TBC1D8: variants seen among roughly 807,000 people sequenced by gnomAD.
The protein encoded by TBC1D8 is TBC1 domain family member 8.
TBC1D8 carries 65 observed loss-of-function variants against 118.8 expected under a neutral mutation model. That is an observed-to-expected ratio of 0.55 (90% confidence interval 0.45 to 0.67). The LOEUF is 0.67. Among genes scored for constraint, TBC1D8 ranks in the 30% least tolerant of loss-of-function variants. The probability of loss-of-function intolerance (pLI) is 0.00; values close to 1 mark genes in which losing one functional copy is unlikely to be tolerated. For synonymous variants in TBC1D8, 566 were observed against 595.8 expected (o/e 0.95, Z 0.73); for missense variants, 1,376 against 1,471.2 (o/e 0.94, Z 1.06).
At chr2:101,031,987 TA>T (rs973073361) in intron 11 of TBC1D8, among the ~76,000 whole-genome samples, 1 of 152,184 alleles carries the variant, frequency 6.6e-6, no homozygotes, top group African/African-American at 2.4e-5. Flanking sequence ...TCCCTTCTTG[TA>T]AGTTCAGCTA....
intron 1 of TBC1D8, among the ~76,000 whole-genome samples, chr2:101,117,578 T>A (rs200087332): frequency 0.15 from 21,448 of 146,404 alleles, 1,644 homozygotes; most frequent in Middle Eastern, 0.26. Context: ...CTTTTTTTTT[T>A]TTTTTTTTTT....
chr2:101,013,433 T>C (rs1470619439), intron 17 of TBC1D8, among the ~76,000 whole-genome samples: 1 of 152,236 alleles, frequency 6.6e-6, no homozygotes, highest in African/African-American at 2.4e-5. Flanking sequence ...TAGCCTGTAA[T>C]TCAAGCGTCT....
At chr2:101,054,670 TTC>T (rs202029859) in intron 3 of TBC1D8, among the ~76,000 whole-genome samples, 987 of 30,478 alleles carry the variant, frequency 0.032, 51 homozygotes, top group Non-Finnish European at 0.041. Flanking sequence ...TTCTTTTCTT[TTC>T]TTTTTTTTTT....
intron 1 of TBC1D8, among the ~76,000 whole-genome samples, chr2:101,099,653 C>T (rs941806346): frequency 6.6e-6 from 1 of 152,164 alleles, no homozygotes; most frequent in Non-Finnish European, 1.5e-5. Flanking sequence ...CAGCAAAAAA[C>T]ATATCCACCA....
At chr2:101,130,091 C>T (rs1222680471) in intron 1 of TBC1D8, among the ~76,000 whole-genome samples, 2 of 152,114 alleles carry the variant, frequency 1.3e-5, no homozygotes, top group African/African-American at 4.8e-5. Flanking sequence ...CTCAGAGCCA[C>T]AATGACCAGG....
chr2:101,070,408 CA>C (rs1372391775), intron 2 of TBC1D8, among the ~76,000 whole-genome samples: 47 of 112,572 alleles, frequency 4.2e-4, no homozygotes, highest in Middle Eastern at 4.8e-3. Flanking sequence ...TGTCTTAAAA[CA>C]AATCTGATTT....
chr2:101,061,057 G>A (rs1434452629), intron 2 of TBC1D8, among the ~76,000 whole-genome samples: 1 of 151,740 alleles, frequency 6.6e-6, no homozygotes, highest in African/African-American at 2.4e-5. Flanking sequence ...TCACGGTGGT[G>A]GGCCCCCCTA....
chr2:101,074,486 G>A (rs978270802), intron 2 of TBC1D8, among the ~76,000 whole-genome samples: 12 of 152,150 alleles, frequency 7.9e-5, no homozygotes, highest in African/African-American at 2.9e-4. Flanking sequence ...TCAGTTCTGG[G>A]TTACCATAAA....
At chr2:101,054,448 C>T (rs111516245) in intron 3 of TBC1D8, 112 bp from the exon 4 acceptor site, 67 of 1,084,504 alleles carry the variant, frequency 6.2e-5, no homozygotes, top group African/African-American at 2.4e-4. Context: ...GAGAAGTGTG[C>T]GCTGCTTCAA....
chr2:101,077,868 T>C (rs1674950456), intron 2 of TBC1D8, among the ~76,000 whole-genome samples: 1 of 152,170 alleles, frequency 6.6e-6, no homozygotes, highest in Non-Finnish European at 1.5e-5. Flanking sequence ...ATTACCAGCC[T>C]TTATTCCTGG....
chr2:101,010,075 C>G (rs987357906), intron 19 of TBC1D8, among the ~76,000 whole-genome samples: 12 of 152,084 alleles, frequency 7.9e-5, no homozygotes, highest in African/African-American at 2.9e-4. Flanking sequence ...ATCCACCCGC[C>G]TCGGCCTCCC....
chr2:101,149,375 C>T (rs1197348087), intron 1 of TBC1D8, among the ~76,000 whole-genome samples: 1 of 152,142 alleles, frequency 6.6e-6, no homozygotes, highest in African/African-American at 2.4e-5. Flanking sequence ...CATCCTATGG[C>T]CAGCTCTGCC....
chr2:101,007,886 A>G lies in TBC1D8; in HGVS notation c.3403T>C (p.Tyr1135His). Residue 1135 changes from tyrosine to histidine, a missense_variant, in exon 20 of 20, where the codon TAC becomes CAC. Physicochemically the swap from Tyr to His is moderately conservative, Grantham distance 83. Coordinates refer to ENST00000409318, the MANE Select transcript of TBC1D8 (RefSeq NM_001330348.2). ...CTCATTTCAAAAGTTTTGAGATTGT[A>G]CTGATTGATCTTGGCATTTTCAAGT... ...SKLENAKINQYNLKTFEMSHQ... is the reference protein window; with the variant it reads ...SKLENAKINQHNLKTFEMSHQ... 6.2e-7 allele frequency: 1 copy of G among 1,613,984 alleles called. No homozygotes were observed. The highest frequency in any genetic ancestry group is 8.5e-7 in the Non-Finnish European group (1 of 1,179,898).
At chr2:101,027,925 A>T in intron 14 of TBC1D8, 123 bp downstream of exon 14, 2 of 841,008 alleles carry the variant, frequency 2.4e-6, no homozygotes, top group Non-Finnish European at 3.8e-6. Flanking sequence ...TTAAGTTGTT[A>T]ATGTAATCCA....
chr2:101,062,979 C>G (rs2105427755), intron 2 of TBC1D8, among the ~76,000 whole-genome samples: 1 of 152,268 alleles, frequency 6.6e-6, no homozygotes, highest in East Asian at 1.9e-4. Context: ...ACATCATCCT[C>G]AGGCCCAGTT....
intron 1 of TBC1D8, among the ~76,000 whole-genome samples, chr2:101,096,218 T>C (rs1676409327): frequency 6.6e-6 from 1 of 151,952 alleles, no homozygotes; most frequent in African/African-American, 2.4e-5. Flanking sequence ...GCCACAGTGC[T>C]CAGCCAAGGA....
At chr2:101,046,226 G>C (rs1383636977) in intron 5 of TBC1D8, among the ~76,000 whole-genome samples, 1 of 152,230 alleles carries the variant, frequency 6.6e-6, no homozygotes, top group Non-Finnish European at 1.5e-5. Context: ...ACACACTGCA[G>C]CCCACGGCCA....
At chr2:101,013,742 G>A (rs1679408820) in intron 17 of TBC1D8, among the ~76,000 whole-genome samples, 2 of 152,208 alleles carry the variant, frequency 1.3e-5, no homozygotes, top group Admixed American at 6.5e-5. Context: ...GAGGCGACAA[G>A]CCAGTTCCAC....
At chr2:101,096,492 T>C (rs1026227437) in intron 1 of TBC1D8, among the ~76,000 whole-genome samples, 1 of 141,462 alleles carries the variant, frequency 7.1e-6, no homozygotes, top group African/African-American at 2.6e-5. Context: ...AAAGTAAGCA[T>C]TGGAATGAAA....
Sources: allele counts gnomAD v4.1 joint callset (sites outside exome capture counted in the v4.1 genomes callset), GRCh38; gene constraint gnomAD v4.1.1; transcripts MANE v1.5; gene names NCBI Gene and HGNC (gene_info 2026-07-23, HGNC 2026-07-21).